The following LDLRAD4 variants were observed in gnomAD, a reference collection of about 807,000 sequenced individuals.
The protein encoded by LDLRAD4 is low density lipoprotein receptor class A domain containing 4.
LDLRAD4 carries 5 observed loss-of-function variants against 17.0 expected under a neutral mutation model. The ratio of observed to expected loss-of-function variants is 0.29; its 90% CI spans 0.15 to 0.62. LDLRAD4 has a LOEUF of 0.62. LDLRAD4 is among the 20% of genes least tolerant of loss of function. LDLRAD4 has a pLI of 0.84. For synonymous variants in LDLRAD4, 168 were observed against 171.8 expected, an observed-to-expected ratio of 0.98 and a Z score of 0.17; for missense variants, 340 against 424.7, an observed-to-expected ratio of 0.80 and a Z score of 1.75.
intron 3 of LDLRAD4, chr18:13,612,695 G>A: frequency 6.2e-7 from 1 of 1,613,922 alleles, no homozygotes; most frequent in Non-Finnish European, 8.5e-7. Flanking sequence ...CACTTGCAGA[G>A]GACCTGATTA....
intron 2 of LDLRAD4, chr18:13,419,951 C>T (rs2089294630): frequency 6.6e-6 from 1 of 152,134 alleles, no homozygotes; most frequent in South Asian, 2.1e-4. Context: ...GAGGAGAGGA[C>T]CTCGGCACCA....
chr18:13,232,341 C>G (rs1467291474), intron 1 of LDLRAD4, among the ~76,000 whole-genome samples: 2 of 152,238 alleles, frequency 1.3e-5, no homozygotes, highest in African/African-American at 2.4e-5. Context: ...CCGCCTCTGT[C>G]TGTGGCCTGT....
At chr18:13,559,025 C>G (rs896353526) in intron 3 of LDLRAD4, among the ~76,000 whole-genome samples, 3 of 152,132 alleles carry the variant, frequency 2.0e-5, no homozygotes, top group African/African-American at 7.2e-5. Flanking sequence ...GACGTGCCAC[C>G]GGCAGCACCC....
chr18:13,325,073 T>G (rs2081449273), intron 1 of LDLRAD4, among the ~76,000 whole-genome samples: 1 of 152,204 alleles, frequency 6.6e-6, no homozygotes, highest in Admixed American at 6.5e-5. Context: ...GGTCTTGTCT[T>G]TGTGCCATGC....
chr18:13,338,821 AAG>A (rs2082231221), intron 1 of LDLRAD4, among the ~76,000 whole-genome samples: 1 of 152,152 alleles, frequency 6.6e-6, no homozygotes, highest in Non-Finnish European at 1.5e-5. Flanking sequence ...CAGGGTGCAG[AAG>A]AGAGGGAGAA....
At chr18:13,366,396 T>C (rs569184063) in intron 1 of LDLRAD4, among the ~76,000 whole-genome samples, 2 of 152,282 alleles carry the variant, frequency 1.3e-5, no homozygotes, top group South Asian at 4.1e-4. Context: ...CCTCCTGGTA[T>C]TGTTTCCCCA....
chr18:13,261,825 C>T (rs762611463), intron 1 of LDLRAD4, among the ~76,000 whole-genome samples: 3 of 151,386 alleles, frequency 2.0e-5, no homozygotes, highest in East Asian at 1.9e-4. Context: ...GGAGGAAGGG[C>T]GACTTGGTGG....
At chr18:13,330,781 G>A (rs1279179252) in intron 1 of LDLRAD4, among the ~76,000 whole-genome samples, 3 of 152,198 alleles carry the variant, frequency 2.0e-5, no homozygotes, top group Non-Finnish European at 2.9e-5. Context: ...GGCATTACTA[G>A]AAGATTGGAA....
intron 1 of LDLRAD4, among the ~76,000 whole-genome samples, chr18:13,247,650 C>T (rs2043021508): frequency 6.6e-6 from 1 of 152,132 alleles, no homozygotes; most frequent in South Asian, 2.1e-4. Flanking sequence ...GTGAGGGGCC[C>T]AGCCCTGGCA....
chr18:13,220,410 G>C (rs1190093270), intron 1 of LDLRAD4, among the ~76,000 whole-genome samples: 1 of 152,128 alleles, frequency 6.6e-6, no homozygotes, highest in Non-Finnish European at 1.5e-5. Flanking sequence ...ACTCTTCCCG[G>C]CAGGTTTTTA....
chr18:13,261,832 G>T (rs1357525557), intron 1 of LDLRAD4, among the ~76,000 whole-genome samples: 1 of 152,168 alleles, frequency 6.6e-6, no homozygotes, highest in African/African-American at 2.4e-5. Flanking sequence ...GGGCGACTTG[G>T]TGGTGGGGGC....
At chr18:13,607,180 G>A (rs117728475) in intron 3 of LDLRAD4, among the ~76,000 whole-genome samples, 21 of 152,148 alleles carry the variant, frequency 1.4e-4, no homozygotes, top group Non-Finnish European at 1.5e-5. Flanking sequence ...AGACTATCCC[G>A]GCTCCAACTC....
At chr18:13,596,964 G>T (rs549845438) in intron 3 of LDLRAD4, among the ~76,000 whole-genome samples, 1 of 152,310 alleles carries the variant, frequency 6.6e-6, no homozygotes, top group Non-Finnish European at 1.5e-5. Flanking sequence ...GAAGGAAGAA[G>T]AAATGTACAT....
chr18:13,274,943 C>G (rs1201433176), upstream of LDLRAD4, among the ~76,000 whole-genome samples: 1 of 151,748 alleles, frequency 6.6e-6, no homozygotes, highest in African/African-American at 2.4e-5. Flanking sequence ...GCAGGAGGAT[C>G]ATTTGAGTCC....
chr18:13,447,200 T>C (rs1187438300), intron 3 of LDLRAD4, among the ~76,000 whole-genome samples: 1 of 134,498 alleles, frequency 7.4e-6, no homozygotes, highest in East Asian at 2.4e-4. Flanking sequence ...CCCAAGGTGG[T>C]ATTTAAAACA....
chr18:13,642,794 T>C, intron 4 of LDLRAD4: 2 of 1,200,958 alleles, frequency 1.7e-6, no homozygotes, highest in South Asian at 4.2e-5. Flanking sequence ...TCAAATCTAA[T>C]CTGGCCAGGA....
intron 3 of LDLRAD4, among the ~76,000 whole-genome samples, chr18:13,619,919 G>T (rs886995130): frequency 6.6e-6 from 1 of 152,076 alleles, no homozygotes; most frequent in South Asian, 2.1e-4. Context: ...AGACACCAGC[G>T]CCTCTCCTAT....
intron 3 of LDLRAD4, among the ~76,000 whole-genome samples, chr18:13,574,433 C>A (rs1290753368): frequency 1.3e-5 from 2 of 152,158 alleles, no homozygotes; most frequent in Non-Finnish European, 2.9e-5. Context: ...ACCTGGACAT[C>A]TTCCTCACCA....
chr18:13,614,290 G>T (rs796376747), intron 3 of LDLRAD4: 3 of 152,336 alleles, frequency 2.0e-5, no homozygotes, highest in African/African-American at 7.2e-5. Context: ...CACCAAGACA[G>T]TGATAAGTGC....
Sources: allele counts gnomAD v4.1 joint callset (sites outside exome capture counted in the v4.1 genomes callset), GRCh38; gene constraint gnomAD v4.1.1; transcripts MANE v1.5; gene names NCBI Gene and HGNC (gene_info 2026-07-23, HGNC 2026-07-21).